The following YEATS2 variants were observed in gnomAD, a reference collection of about 807,000 sequenced individuals.
YEATS2 encodes the protein YEATS domain-containing protein 2.
YEATS2 carries 77 observed loss-of-function variants against 163.2 expected under a neutral mutation model. That is an observed-to-expected ratio of 0.47 (90% CI 0.39 to 0.57). The LOEUF is 0.57. Among genes scored for constraint, YEATS2 ranks in the 20% least tolerant of loss-of-function variants. YEATS2 has a pLI of 0.00. For missense variants in YEATS2, 1,549 were observed against 1,729.8 expected (o/e 0.90, Z 1.85); for synonymous variants, 631 against 645.1 (o/e 0.98, Z 0.33).
chr3:183,763,482 G>A (rs1040252690), intron 15 of YEATS2, among the ~76,000 whole-genome samples: 2 of 152,178 alleles, frequency 1.3e-5, no homozygotes, highest in African/African-American at 4.8e-5. Context: ...GAGTGCTTTT[G>A]TGTATGCCAT....
intron 7 of YEATS2, among the ~76,000 whole-genome samples, chr3:183,734,911 C>T (rs1467089939): frequency 1.3e-5 from 2 of 152,044 alleles, no homozygotes; most frequent in Admixed American, 6.6e-5. Flanking sequence ...GAAGTTTGTT[C>T]GGGGGAGGCA....
intron 1 of YEATS2, among the ~76,000 whole-genome samples, chr3:183,713,151 A>G: frequency 6.6e-6 from 1 of 152,258 alleles, no homozygotes; most frequent in East Asian, 1.9e-4. Context: ...AATATAACGT[A>G]AAATCTAATT....
rs968901955 is a variant in YEATS2, at chr3:183,810,858, G to A, written c.*275G>A. On this transcript the variant is annotated 3_prime_UTR_variant, in exon 31 of 31. Transcript: ENST00000305135. ...TCTGCAGTCTTTGTAAAGGCCCCAC[G>A]AGAGCGGGCCAGGCCGTGTGCCTCA... 11 of 415,780 alleles carry A rather than the reference G, an allele frequency of 2.6e-5. No homozygotes were observed. The highest frequency in any genetic ancestry group is 1.8e-4 in the African/African-American group (9 of 49,158). 25.8% of individuals were successfully genotyped at this position (415,780 alleles called of 1,614,324 possible).
chr3:183,734,369 A>T (rs1352898152), intron 7 of YEATS2, among the ~76,000 whole-genome samples: 1 of 152,142 alleles, frequency 6.6e-6, no homozygotes, highest in Non-Finnish European at 1.5e-5. Flanking sequence ...TTGGCAAGTT[A>T]GTTGTTCAGC....
intron 2 of YEATS2, among the ~76,000 whole-genome samples, chr3:183,716,871 A>G (rs1349610446): frequency 2.0e-5 from 3 of 150,742 alleles, no homozygotes; most frequent in Non-Finnish European, 4.4e-5. Flanking sequence ...ATTTGGTGGG[A>G]TGCTTCTCTT....
intron 11 of YEATS2, 118 bp downstream of exon 11, chr3:183,754,483 T>C: frequency 7.4e-7 from 1 of 1,353,620 alleles, no homozygotes; most frequent in Non-Finnish European, 9.7e-7. Context: ...AGTGTTATGT[T>C]TAACAAAAGG....
chr3:183,786,182 G>T lies in YEATS2; in HGVS notation c.2794G>T (p.Val932Leu). ...MKISDSTLKT[V>L]PATSQLSKPG... ...AATATCCGATAGCACCTTGAAGACT[G>T]TGCCAGCCACCTCACAGCTCTCGAA... The change falls in exon 20 of 31, where the codon GTG becomes TTG. Residue 932 changes from valine to leucine, a missense_variant. Val to Leu is a conservative substitution (Grantham distance 32). Coordinates refer to ENST00000305135, the MANE Select transcript of YEATS2 (RefSeq NM_018023.5). 2.5e-6 allele frequency: 4 copies of T among 1,614,144 alleles called. No individual in the cohort carries two copies. The highest frequency in any genetic ancestry group is 3.4e-6 in the Non-Finnish European group (4 of 1,180,022).
At position 183,772,400 on chromosome 3, in the gene YEATS2, T is replaced by C. The variant is rs764937620; in HGVS notation, c.2043T>C (p.Ser681=). 1.9e-6 allele frequency: 3 copies of C among 1,614,232 alleles called. No individual in the cohort carries two copies. The South Asian group carries it at 3.3e-5, about 18-fold the overall frequency. The change falls in exon 16 of 31, where the codon TCT becomes TCC. Residue 681 remains serine, a synonymous_variant. Coordinates refer to ENST00000305135, the MANE Select transcript of YEATS2 (RefSeq NM_018023.5). ...GGQILVAKAS[S]SVSKAVGPKQ... Reference sequence around the variant, plus strand: ...AGATCCTGGTAGCCAAGGCCAGCTCTTCTGTCTCCAAAGCAGTTGGGCCAA... The same window carrying C: ...AGATCCTGGTAGCCAAGGCCAGCTCCTCTGTCTCCAAAGCAGTTGGGCCAA...
chr3:183,702,822 ACT>A lies in YEATS2; in HGVS notation c.-20+4839_-20+4840del, dbSNP rs533314940. ...GCACTCCATCCTGGGCGACAGCAAG[ACT>A]CTCTCTCTCAAAAAAAAAAAAGGGA... is the stretch of plus-strand genomic sequence containing the variant. On this transcript the variant is annotated intron_variant, in intron 1 of 30. Coordinates refer to ENST00000305135, the MANE Select transcript of YEATS2 (RefSeq NM_018023.5). Among the ~76,000 whole-genome samples, 336 of 145,130 alleles carry A rather than the reference ACT, an allele frequency of 2.3e-3. 2 individuals carry two copies. The highest frequency in any genetic ancestry group is 8.0e-3 in the African/African-American group (315 of 39,196).
At chr3:183,810,182 GACTC>G (rs1020302620) in intron 30 of YEATS2, 2 of 317,438 alleles carry the variant, frequency 6.3e-6, no homozygotes, top group East Asian at 7.8e-5. Flanking sequence ...GGTCTGCTGA[GACTC>G]ACTCACAAAT....
At chr3:183,698,231 T>A (rs1713686460) in intron 1 of YEATS2, among the ~76,000 whole-genome samples, 1 of 152,044 alleles carries the variant, frequency 6.6e-6, no homozygotes, top group Admixed American at 6.5e-5. Context: ...GGCTTCCTCT[T>A]CAGCGGGGCG....
chr3:183,763,241 G>A (rs1195454113), intron 15 of YEATS2, among the ~76,000 whole-genome samples: 1 of 152,146 alleles, frequency 6.6e-6, no homozygotes, highest in African/African-American at 2.4e-5. Context: ...CACTTAGGCT[G>A]TATGGTGTGG....
rs1228933155 is a variant in YEATS2 at position 183,762,200 on chromosome 3, T to A, written c.1868T>A (p.Met623Lys). 1 of 1,614,192 alleles carries A rather than the reference T, an allele frequency of 6.2e-7. No homozygotes were observed. The highest frequency in any genetic ancestry group is 2.2e-5 in the East Asian group (1 of 44,882). The change falls in exon 15 of 31, where the codon ATG (methionine) becomes AAG (lysine). Residue 623 changes from methionine to lysine, a missense_variant. Coordinates refer to ENST00000305135, the MANE Select transcript of YEATS2 (RefSeq NM_018023.5). ...PQYVTVKGGH[M>K]IAVSPQKQVI... ...TATGTGACTGTGAAAGGGGGTCACA[T>A]GATAGCTGTGTCCCCTCAAAAACAG...
chr3:183,753,555 C>G (rs569775658), intron 10 of YEATS2, among the ~76,000 whole-genome samples: 101 of 152,288 alleles, frequency 6.6e-4, no homozygotes, highest in African/African-American at 2.3e-3. Context: ...CAAGACCAGC[C>G]TGGCCAACAT....
At chr3:183,777,831 G>A in intron 19 of YEATS2, 131 bp downstream of exon 19, 4 of 1,263,172 alleles carry the variant, frequency 3.2e-6, no homozygotes, top group Non-Finnish European at 4.3e-6. Flanking sequence ...GGCCAGGAGT[G>A]GTCGCTCACG....
At chr3:183,704,570 T>C (rs1370716662) in intron 1 of YEATS2, among the ~76,000 whole-genome samples, 1 of 152,154 alleles carries the variant, frequency 6.6e-6, no homozygotes, top group Non-Finnish European at 1.5e-5. Context: ...GGCTGTAATA[T>C]TTCTACATTT....
At chr3:183,699,179 G>T (rs1230693456) in intron 1 of YEATS2, among the ~76,000 whole-genome samples, 1 of 151,962 alleles carries the variant, frequency 6.6e-6, no homozygotes, top group African/African-American at 2.4e-5. Flanking sequence ...AACAAGACTT[G>T]GATTGGTGAG....
At chr3:183,736,215 AG>A (rs1187462005) in intron 7 of YEATS2, among the ~76,000 whole-genome samples, 4 of 152,286 alleles carry the variant, frequency 2.6e-5, no homozygotes, top group African/African-American at 9.6e-5. Context: ...GTCACTATTC[AG>A]GGAAGGTCAT....
chr3:183,810,012 T>A (rs937058643), intron 30 of YEATS2: 7 of 160,876 alleles, frequency 4.4e-5, no homozygotes, highest in African/African-American at 1.7e-4. Context: ...CTGTGGCCCC[T>A]GCTTACCTCT....
Sources: allele counts gnomAD v4.1 joint callset (sites outside exome capture counted in the v4.1 genomes callset), GRCh38; gene constraint gnomAD v4.1.1; transcripts MANE v1.5; gene names NCBI Gene and HGNC (gene_info 2026-07-23, HGNC 2026-07-21).